Variants in CES2 observed in about 807,000 individuals in gnomAD.
CES2 encodes cocaine esterase.
Under a neutral mutation model 52.1 loss-of-function variants are expected in CES2, and 42 were observed. The ratio of observed to expected loss-of-function variants is 0.81; its 90% CI spans 0.63 to 1.04. The LOEUF is 1.04. Among genes scored for constraint, CES2 ranks in the 50% least tolerant of loss-of-function variants. The pLI is 0.00. For synonymous variants in CES2, 277 were observed against 289.6 expected (o/e 0.96, Z 0.44); for missense variants, 656 against 724.3 (o/e 0.91, Z 1.08).
At position 66,942,744 on chromosome 16, in the gene CES2, A is replaced by T; in HGVS notation, c.1379A>T (p.Glu460Val). The change falls in exon 10 of 12, where the codon GAG (glutamate) becomes GTG (valine). Residue 460 changes from glutamate (E) to valine (V), a missense_variant. Glu to Val is a moderately radical substitution (Grantham distance 121). Coordinates refer to ENST00000317091, the MANE Select transcript of CES2 (RefSeq NM_001365405.1). ...PPHMKADHGD[E>V]LPFVFRSFFG... ...CACATGAAGGCAGACCATGGTGATG[A>T]GCTTCCTTTTGTTTTCAGAAGTTTC... 5 of 1,614,196 alleles carry T rather than the reference A, an allele frequency of 3.1e-6. No homozygotes were observed. The South Asian group carries it at 4.4e-5, about 14-fold the overall frequency.
chr16:66,944,273 G>C lies in CES2; in HGVS notation c.*248G>C, dbSNP rs1200204972. Reference sequence around the variant, plus strand: ...GGCTTGAGGCCAGAGGTTTGAGACCGACCAGCCAGGGCAACACAGTGAGAC... The same window carrying C: ...GGCTTGAGGCCAGAGGTTTGAGACCCACCAGCCAGGGCAACACAGTGAGAC... On this transcript the variant is annotated 3_prime_UTR_variant, in exon 12 of 12. Transcript: ENST00000317091. 1 of 275,132 alleles carries C rather than the reference G, an allele frequency of 3.6e-6. No homozygotes were observed. The highest frequency in any genetic ancestry group is 5.8e-5 in the East Asian group (1 of 17,198). The allele number at this position is 275,132 out of a possible 1,614,324, so 17.0% of individuals were successfully genotyped here. A position where few individuals can be genotyped will look rare whatever the true frequency, so the allele number is the denominator to read the frequency against.
chr16:66,940,503 CCAG>C lies in CES2; in HGVS notation c.628_630del (p.Gln210del). ...ACCAAGTGGCTGCACTACGCTGGGT[CCAG>C]CAGAATATCGCCCACTTTGGAGGCA... On this transcript the variant is annotated inframe_deletion, in exon 5 of 12. Transcript: ENST00000317091. 6.2e-7 allele frequency: 1 copy of C among 1,614,230 alleles called. No homozygotes were observed. Among genetic ancestry groups the C allele is most frequent in the Non-Finnish European group, 8.5e-7 (1 of 1,180,034 alleles).
At chr16:66,935,934 C>T (rs1963199994) in intron 1 of CES2, 2 of 1,432,594 alleles carry the variant, frequency 1.4e-6, no homozygotes, top group Non-Finnish European at 9.1e-7. Context: ...AAGGAACCAG[C>T]GGAGTACAGG....
At chr16:66,941,097 G>A (rs763768073) in intron 5 of CES2, 27 bp from the exon 6 acceptor site, 7 of 1,613,140 alleles carry the variant, frequency 4.3e-6, no homozygotes, top group Non-Finnish European at 5.9e-6. Context: ...GGAAGGATGA[G>A]CCAGCCCCTG....
At chr16:66,941,388 TCTC>T in intron 6 of CES2, 115 bp from the exon 7 acceptor site, 1 of 1,520,996 alleles carries the variant, frequency 6.6e-7, no homozygotes, top group Non-Finnish European at 8.9e-7. Flanking sequence ...CAAACAGTAA[TCTC>T]CTGGGGTGGG....
At chr16:66,940,111 G>C (rs149010828) in intron 3 of CES2, 111 bp from the exon 4 acceptor site, 1 of 1,437,920 alleles carries the variant, frequency 7.0e-7, no homozygotes, top group Non-Finnish European at 9.5e-7. Context: ...ATTTGTGCTG[G>C]AGATCTAATG....
chr16:66,943,645 T>C lies in CES2; in HGVS notation c.1494-194T>C, dbSNP rs2145511444. 1 of 580,110 alleles carries C rather than the reference T, an allele frequency of 1.7e-6. No individual in the cohort carries two copies. The highest frequency in any genetic ancestry group is 3.0e-6 in the Non-Finnish European group (1 of 330,396). The allele number at this position is 580,110 out of a possible 1,614,324, so 35.9% of individuals were successfully genotyped here. ...AGGGACACAACAGAGCTGGCTGCCC[T>C]CCCCCAACCCCCACTGGTGCTGACA... is the stretch of plus-strand genomic sequence containing the variant. On this transcript the variant is annotated intron_variant, in intron 11 of 11. Coordinates refer to ENST00000317091, the MANE Select transcript of CES2 (RefSeq NM_001365405.1). The surrounding 1 kb of genome is among the most constrained non-coding windows in gnomAD (Gnocchi z 4.2).
Position 66,944,321 on chromosome 16 carries a change from AAAAG to A in CES2, c.*298_*301del, listed in dbSNP as rs1251310423. The A allele has an allele frequency of 5.6e-5, 12 of 214,010 alleles. No individual in the cohort carries two copies. Among genetic ancestry groups the A allele is most frequent in the South Asian group, 1.8e-4 (1 of 5,556 alleles). 13.3% of individuals were successfully genotyped at this position (214,010 alleles called of 1,614,324 possible). On this transcript the variant is annotated 3_prime_UTR_variant, in exon 12 of 12. Transcript: ENST00000317091. ...GACCCCTTCTCAAAAAAAAAAAAAA[AAAAG>A]AGAGAGTGTGTGATTAGAAGCTAAA...
At chr16:66,942,275 G>T in intron 9 of CES2, 26 bp downstream of exon 9, 1 of 1,589,646 alleles carries the variant, frequency 6.3e-7, no homozygotes, top group Non-Finnish European at 8.6e-7. Context: ...CCAAAGCCTG[G>T]CGGGCAGGGT....
In CES2 at chr16:66,943,178, T is replaced by C. The variant is rs1188689263; in HGVS notation, c.1421-121T>C. ...GGGGAGGGCTGGCTTCTGAGGGCAGTGGAAGAAAAAGCGGAGAAGCAGGAC... is the reference window on the plus strand; with the variant it reads ...GGGGAGGGCTGGCTTCTGAGGGCAGCGGAAGAAAAAGCGGAGAAGCAGGAC... On this transcript the variant is annotated intron_variant, in intron 10 of 11. Coordinates refer to ENST00000317091, the MANE Select transcript of CES2 (RefSeq NM_001365405.1). This position sits in a 1 kb window ranked among gnomAD's most constrained non-coding sequence, Gnocchi z 4.2. The C allele has an allele frequency of 2.0e-6, 2 of 1,000,434 alleles. No individual in the cohort carries two copies. The highest frequency in any genetic ancestry group is 3.0e-6 in the Non-Finnish European group (2 of 670,152). The allele number at this position is 1,000,434 out of a possible 1,614,324, so 62.0% of individuals were successfully genotyped here.
In CES2 at chr16:66,944,035, C is replaced by A; in HGVS notation, c.*10C>A. On this transcript the variant is annotated 3_prime_UTR_variant, in exon 12 of 12. Coordinates refer to ENST00000317091, the MANE Select transcript of CES2 (RefSeq NM_001365405.1). ...ACACACAGAGCTGTAGCTCCCTGTG[C>A]CGGGGAGGAGGGGGTGGGTTCGCTG... 2 of 1,444,352 alleles carry A rather than the reference C, an allele frequency of 1.4e-6. No homozygotes were observed. Among genetic ancestry groups the A allele is most frequent in the Non-Finnish European group, 1.9e-6 (2 of 1,071,776 alleles). 89.5% of individuals were successfully genotyped at this position (1,444,352 alleles called of 1,614,324 possible).
intron 1 of CES2, among the ~76,000 whole-genome samples, chr16:66,936,207 G>A (rs540667697): frequency 6.6e-6 from 1 of 152,180 alleles, no homozygotes. Context: ...GCCCCCAGGC[G>A]CCAAATCCTA....
chr16:66,935,422 A>G (rs755422237), upstream of CES2: 1 of 1,562,512 alleles, frequency 6.4e-7, no homozygotes, highest in East Asian at 2.3e-5. Context: ...GGGCCTGCCT[A>G]CCACTAGATC....
At chr16:66,939,164 C>T (rs1474988562) in intron 2 of CES2, 53 bp from the exon 3 acceptor site, 4 of 1,572,106 alleles carry the variant, frequency 2.5e-6, no homozygotes, top group Middle Eastern at 1.7e-4. Context: ...AACCCAGGGT[C>T]TGGTTTTGGC....
chr16:66,936,140 T>C (rs913726937), intron 1 of CES2, among the ~76,000 whole-genome samples: 12 of 152,126 alleles, frequency 7.9e-5, no homozygotes, highest in Admixed American at 1.3e-4. Context: ...CCAGGGGGGA[T>C]GCCCTGAGCC....
Position 66,938,149 on chromosome 16 carries a change from TG to T in CES2, c.190del (p.Ala64ProfsTer5), listed in dbSNP as rs1365146932. Reference sequence around the variant, plus strand: ...TCCAAACCTTCCTGGGAATTCCATTTGCCAAGCCACCTCTAGGTCCGCTGCG... The same window carrying T: ...TCCAAACCTTCCTGGGAATTCCATTTCCAAGCCACCTCTAGGTCCGCTGCG... ...GVQTFLGIPFAKPPLGPLRFA... is the reference protein window; with the variant it reads ...GVQTFLGIPFXKPPLGPLRFA... On this transcript the variant is annotated frameshift_variant, in exon 2 of 12. Coordinates refer to ENST00000317091, the MANE Select transcript of CES2 (RefSeq NM_001365405.1). LOFTEE classifies it high-confidence loss of function. 8 of 1,614,036 alleles carry T rather than the reference TG, an allele frequency of 5.0e-6. No individual in the cohort carries two copies. The highest frequency in any genetic ancestry group is 3.3e-4 in the Middle Eastern group (2 of 6,084).
chr16:66,943,479 C>A lies in CES2; in HGVS notation c.1493+108C>A. The A allele has an allele frequency of 8.7e-7, 1 of 1,142,952 alleles. No homozygotes were observed. The highest frequency in any genetic ancestry group is 1.9e-5 in the Admixed American group (1 of 52,676). 70.8% of individuals were successfully genotyped at this position (1,142,952 alleles called of 1,614,324 possible). A position where few individuals can be genotyped will look rare whatever the true frequency, so the allele number is the denominator to read the frequency against. ...ATGAGCACACCCGCATCCTTCATCA[C>A]ATGATGGCCCCTTCCCCAGCTCCGG... On this transcript the variant is annotated intron_variant, in intron 11 of 11. Coordinates refer to ENST00000317091, the MANE Select transcript of CES2 (RefSeq NM_001365405.1). The surrounding 1 kb of genome is among the most constrained non-coding windows in gnomAD (Gnocchi z 4.2).
chr16:66,939,689 C>G (rs1470278726), intron 3 of CES2, among the ~76,000 whole-genome samples: 1 of 152,240 alleles, frequency 6.6e-6, no homozygotes, highest in Non-Finnish European at 1.5e-5. Context: ...ATCTGTTGGG[C>G]CTATAGAATG....
At chr16:66,936,363 A>C (rs1167589845) in intron 1 of CES2, among the ~76,000 whole-genome samples, 2 of 152,146 alleles carry the variant, frequency 1.3e-5, no homozygotes, top group Non-Finnish European at 2.9e-5. Flanking sequence ...AGTGTACAAA[A>C]AATTGAAAGA....
Sources: gnomAD v4.1 joint callset for allele counts (sites outside exome capture counted in the v4.1 genomes callset) on GRCh38, gnomAD v4.1.1 for gene constraint, Gnocchi (gnomAD v3.1) non-coding constraint, MANE v1.5 for transcripts, NCBI Gene and HGNC (gene_info 2026-07-23, HGNC 2026-07-21) for gene names.